Variants in MORN4 observed in about 807,000 individuals in gnomAD.
The protein encoded by MORN4 is MORN repeat containing 4.
MORN4 carries 8 observed loss-of-function variants against 16.4 expected under a neutral mutation model. The ratio of observed to expected loss-of-function variants is 0.49; its 90% CI spans 0.29 to 0.88. The LOEUF (loss-of-function observed/expected upper bound fraction) is 0.88. MORN4 is among the 40% of genes least tolerant of loss of function. MORN4 has a pLI of 0.09. For missense variants in MORN4, 159 were observed against 182.9 expected (o/e 0.87, Z 0.75); for synonymous variants, 53 against 68.9 (o/e 0.77, Z 1.14).
rs993942471 is a variant in MORN4, at chr10:97,633,424, C to G, written c.-108G>C. 1 of 1,289,698 alleles carries G rather than the reference C, an allele frequency of 7.8e-7. No individual in the cohort carries two copies. Among genetic ancestry groups the G allele is most frequent in the Non-Finnish European group, 1.0e-6 (1 of 988,834 alleles). The allele number at this position is 1,289,698 out of a possible 1,614,324, so 79.9% of individuals were successfully genotyped here. ...CCTCGGACTTTTCCTCTGATGGGCT[C>G]CCGGCTGCCACCTTGCTCTCCGCCA... On this transcript the variant is annotated 5_prime_UTR_variant, in exon 1 of 5. Coordinates refer to ENST00000307450, the MANE Select transcript of MORN4 (RefSeq NM_178832.4). The surrounding 1 kb of genome is among the most constrained non-coding windows in gnomAD (Gnocchi z 4.5).
At chr10:97,624,753 T>C (rs538974092) in intron 1 of MORN4, among the ~76,000 whole-genome samples, 51 of 152,268 alleles carry the variant, frequency 3.3e-4, no homozygotes, top group African/African-American at 1.2e-3. Context: ...TTCACTGTTA[T>C]TCTTCCCCAG....
intron 1 of MORN4, among the ~76,000 whole-genome samples, chr10:97,620,929 T>G (rs2041286000): frequency 1.3e-5 from 2 of 152,084 alleles, no homozygotes; most frequent in South Asian, 4.1e-4. Context: ...GAGACCAGCT[T>G]GGCCAACATG....
intron 1 of MORN4, among the ~76,000 whole-genome samples, chr10:97,632,457 T>C (rs2041404970): frequency 6.6e-6 from 1 of 152,078 alleles, no homozygotes; most frequent in African/African-American, 2.4e-5. Context: ...GACTTCGTGA[T>C]CCACCCGCCT....
intron 1 of MORN4, among the ~76,000 whole-genome samples, chr10:97,631,321 G>A (rs2041393844): frequency 6.6e-6 from 1 of 152,136 alleles, no homozygotes; most frequent in Admixed American, 6.5e-5. Flanking sequence ...CTGCACTCCT[G>A]ATAGATGGGT....
intron 1 of MORN4, among the ~76,000 whole-genome samples, chr10:97,621,762 G>C (rs2041295689): frequency 6.7e-6 from 1 of 150,076 alleles, no homozygotes; most frequent in South Asian, 2.1e-4. Context: ...CTACTCGGGA[G>C]ACTGATGCAG....
rs182062196 is a variant in MORN4, at chr10:97,630,189, A to G, written c.-31+3158T>C. ...TGATCCGCCTGCCTCAGCCTCCCGA[A>G]GTGCTGGGATTACAGGCATGAGCCA... On this transcript the variant is annotated intron_variant, in intron 1 of 4. Transcript: ENST00000307450. Among the ~76,000 whole-genome samples, 994 of 152,132 alleles carry G rather than the reference A, an allele frequency of 6.5e-3. 3 individuals are homozygous for G. Among genetic ancestry groups the G allele is most frequent in the Middle Eastern group, 0.01 (3 of 294 alleles).
chr10:97,629,213 C>A (rs539888497), intron 1 of MORN4, among the ~76,000 whole-genome samples: 2 of 152,064 alleles, frequency 1.3e-5, no homozygotes, highest in Non-Finnish European at 2.9e-5. Flanking sequence ...CATGGAGAAA[C>A]CCCATCTCTA....
chr10:97,616,498 G>T, intron 4 of MORN4, 87 bp from the exon 5 acceptor site: 1 of 1,460,516 alleles, frequency 6.8e-7, no homozygotes, highest in Non-Finnish European at 9.2e-7. Flanking sequence ...ATATGTCCAG[G>T]CCAAAGAAGA....
At chr10:97,626,158 C>T (rs751720898) in intron 1 of MORN4, among the ~76,000 whole-genome samples, 9 of 151,506 alleles carry the variant, frequency 5.9e-5, no homozygotes, top group Non-Finnish European at 1.2e-4. Context: ...AGATGGATCA[C>T]CTGAGGTCAG....
rs373147020 is a variant in MORN4 at position 97,616,638 on chromosome 10, T to C, written c.292+40A>G. ...AACAGGTATATTTCCACCCATATTA[T>C]GCCCACCTAAGTCAGCCATCCTGCT... On this transcript the variant is annotated intron_variant, in intron 4 of 4. Transcript: ENST00000307450. 10 of 1,500,700 alleles carry C rather than the reference T, an allele frequency of 6.7e-6. 1 individual carries two copies. In the African/African-American group the frequency reaches 1.2e-4, roughly 19 times the overall value. The allele number at this position is 1,500,700 out of a possible 1,614,324, so 93.0% of individuals were successfully genotyped here.
chr10:97,619,776 A>G, intron 1 of MORN4, 93 bp from the exon 2 acceptor site: 1 of 959,900 alleles, frequency 1.0e-6, no homozygotes, highest in South Asian at 1.5e-5. Context: ...AAAGGCCACC[A>G]GCCTGGTAAG....
At chr10:97,627,871 C>G (rs1838688856) in intron 1 of MORN4, among the ~76,000 whole-genome samples, 1 of 152,220 alleles carries the variant, frequency 6.6e-6, no homozygotes, top group African/African-American at 2.4e-5. Context: ...CAATGTCCCA[C>G]AAGGTCAGCA....
rs779403764 is a variant in MORN4 at position 97,616,633 on chromosome 10, T to G, written c.292+45A>C. ...AACTAAACAGGTATATTTCCACCCATATTATGCCCACCTAAGTCAGCCATC... is the reference window on the plus strand; with the variant it reads ...AACTAAACAGGTATATTTCCACCCAGATTATGCCCACCTAAGTCAGCCATC... On this transcript the variant is annotated intron_variant, in intron 4 of 4. Coordinates refer to ENST00000307450, the MANE Select transcript of MORN4 (RefSeq NM_178832.4). 2.0e-6 allele frequency: 3 copies of G among 1,480,084 alleles called. No homozygotes were observed. The East Asian group carries it at 6.8e-5, about 33-fold the overall frequency. The allele number at this position is 1,480,084 out of a possible 1,614,324, so 91.7% of individuals were successfully genotyped here. A position where few individuals can be genotyped will look rare whatever the true frequency, so the allele number is the denominator to read the frequency against.
At chr10:97,622,139 C>T (rs529830166) in intron 1 of MORN4, among the ~76,000 whole-genome samples, 20 of 152,198 alleles carry the variant, frequency 1.3e-4, no homozygotes, top group African/African-American at 9.6e-5. Flanking sequence ...CTTCTGAGCC[C>T]GGCCCCAAAC....
chr10:97,618,411 G>A (rs1435671039), intron 2 of MORN4, among the ~76,000 whole-genome samples: 1 of 151,830 alleles, frequency 6.6e-6, no homozygotes, highest in East Asian at 1.9e-4. Flanking sequence ...ATTACAAAGT[G>A]TTGGGATTAC....
rs996446763 is a variant in MORN4 at position 97,616,707 on chromosome 10, T to A, written c.263A>T (p.Glu88Val). ...ACCATCTACTCTGCCATTTTTAAAT[T>A]CCCCCTCAAAGGTCATGTTGTCATA... Reference protein sequence around the residue: ...IRYDNMTFEGEFKNGRVDGFG... With the variant: ...IRYDNMTFEGVFKNGRVDGFG... Residue 88 changes from glutamate (E) to valine (V), a missense_variant, in exon 4 of 5, where the codon GAA becomes GTA. Coordinates refer to ENST00000307450, the MANE Select transcript of MORN4 (RefSeq NM_178832.4). The A allele has an allele frequency of 6.2e-7, 1 of 1,614,002 alleles. No individual in the cohort carries two copies. Among genetic ancestry groups the A allele is most frequent in the Admixed American group, 1.7e-5 (1 of 60,000 alleles).
intron 3 of MORN4, 26 bp downstream of exon 3, chr10:97,617,182 T>C (rs757755867): frequency 6.4e-7 from 1 of 1,572,596 alleles, no homozygotes; most frequent in East Asian, 2.2e-5. Context: ...TATTTAAGGC[T>C]AAGAAAGGAA....
chr10:97,628,555 A>T (rs2135742575), intron 1 of MORN4, among the ~76,000 whole-genome samples: 1 of 149,330 alleles, frequency 6.7e-6, no homozygotes, highest in African/African-American at 2.5e-5. Flanking sequence ...TTTTTTTGAG[A>T]CACAGTCTCA....
chr10:97,626,451 C>G lies in MORN4; in HGVS notation c.-30-6768G>C, dbSNP rs76186020. Among the ~76,000 whole-genome samples, 102 of 149,806 alleles carry G rather than the reference C, an allele frequency of 6.8e-4. 1 individual carries two copies. In the East Asian group the frequency reaches 0.01, roughly 15 times the overall value. On this transcript the variant is annotated intron_variant, in intron 1 of 4. Transcript: ENST00000307450. ...ATCATAATATGTTCTGATGCTTGTT[C>G]TCTCTCTTTTTTTTTTTTTCTTGAA...
Sources: allele counts gnomAD v4.1 joint callset (sites outside exome capture counted in the v4.1 genomes callset), GRCh38; gene constraint gnomAD v4.1.1; non-coding constraint Gnocchi (gnomAD v3.1); transcripts MANE v1.5; gene names NCBI Gene and HGNC (gene_info 2026-07-23, HGNC 2026-07-21).